ARHGAP6: variants seen among roughly 807,000 people sequenced by gnomAD.
ARHGAP6 encodes Rho GTPase activating protein 6.
ARHGAP6 carries 16 observed loss-of-function variants against 55.7 expected under a neutral mutation model. The observed-to-expected ratio is 0.29, with a 90% CI of 0.19 to 0.44. The LOEUF is 0.44. Among genes scored for constraint, ARHGAP6 ranks in the 20% least tolerant of loss-of-function variants. The pLI is 1.00. For missense variants in ARHGAP6, 698 were observed against 808.9 expected, an observed-to-expected ratio of 0.86 and a Z score of 1.66; for synonymous variants, 382 against 360.9, an observed-to-expected ratio of 1.06 and a Z score of -0.66.
At chrX:11,436,938 AATGTTCTGAAATTTATGTTAAT>A (rs750201604) in intron 1 of ARHGAP6, among the ~76,000 whole-genome samples, 1 of 110,790 alleles carries the variant, frequency 9.0e-6, no homozygotes, top group South Asian at 3.9e-4. Context: ...GGGTGATGAA[AATGTTCTGAAATTTATGTTAAT>A]AGTGGTTACC....
intron 2 of ARHGAP6, among the ~76,000 whole-genome samples, chrX:11,214,747 G>A (rs193035585): frequency 2.6e-5 from 3 of 113,371 alleles, no homozygotes; most frequent in African/African-American, 9.6e-5. Flanking sequence ...ACCAATCAGC[G>A]AGGAGTGCGG....
At chrX:11,564,046 T>A (rs1251646617) in intron 1 of ARHGAP6, among the ~76,000 whole-genome samples, 1 of 111,347 alleles carries the variant, frequency 9.0e-6, no homozygotes, top group Non-Finnish European at 1.9e-5. Flanking sequence ...AACAAAAAAA[T>A]TCACATAAGG....
intron 1 of ARHGAP6, chrX:11,298,984 T>A: frequency 8.3e-7 from 1 of 1,206,951 alleles, no homozygotes; most frequent in Middle Eastern, 2.3e-4. Flanking sequence ...GTGAGTATAT[T>A]TTGAAGCCAC....
intron 1 of ARHGAP6, among the ~76,000 whole-genome samples, chrX:11,399,765 CA>C: frequency 8.9e-6 from 1 of 111,891 alleles, no homozygotes; most frequent in South Asian, 3.7e-4. Context: ...CATGTACACA[CA>C]AAAACTTGCA....
At chrX:11,319,613 C>A (rs929880408) in intron 1 of ARHGAP6, among the ~76,000 whole-genome samples, 1 of 112,436 alleles carries the variant, frequency 8.9e-6, no homozygotes, top group Non-Finnish European at 1.9e-5. Context: ...TGTCAATATA[C>A]ATCACAGTGT....
chrX:11,430,534 TAGA>T (rs1296200114), intron 1 of ARHGAP6, among the ~76,000 whole-genome samples: 1 of 112,183 alleles, frequency 8.9e-6, no homozygotes. Flanking sequence ...AGAAAGGATC[TAGA>T]AGATCATGCA....
chrX:11,245,256 A>G (rs768482022), intron 2 of ARHGAP6, among the ~76,000 whole-genome samples: 1 of 111,950 alleles, frequency 8.9e-6, no homozygotes, highest in South Asian at 3.8e-4. Flanking sequence ...CTTTTGACAT[A>G]GTGTTGAATC....
intron 1 of ARHGAP6, among the ~76,000 whole-genome samples, chrX:11,473,177 A>C (rs1468774463): frequency 9.0e-6 from 1 of 111,525 alleles, no homozygotes; most frequent in Admixed American, 9.5e-5. Context: ...AATTCCAGAG[A>C]AGAGCCTAGG....
At chrX:11,449,549 C>T in intron 1 of ARHGAP6, among the ~76,000 whole-genome samples, 1 of 112,414 alleles carries the variant, frequency 8.9e-6, no homozygotes, top group East Asian at 2.8e-4. Flanking sequence ...CCAATGCACC[C>T]CTACCTCTTT....
intron 1 of ARHGAP6, among the ~76,000 whole-genome samples, chrX:11,649,323 G>C (rs1157145163): frequency 8.9e-6 from 1 of 111,913 alleles, no homozygotes; most frequent in African/African-American, 3.2e-5. Flanking sequence ...GCCATGCAGA[G>C]CCAAAGAACT....
chrX:11,517,807 TG>T (rs1385591971), intron 1 of ARHGAP6, among the ~76,000 whole-genome samples: 1 of 109,168 alleles, frequency 9.2e-6, no homozygotes, highest in African/African-American at 3.3e-5. Context: ...CAACACACAC[TG>T]GGGCCTGTCA....
At chrX:11,266,029 GTGCC>G (rs2047618229) in intron 1 of ARHGAP6, 1 of 655,357 alleles carries the variant, frequency 1.5e-6, no homozygotes, top group Non-Finnish European at 2.0e-6. Flanking sequence ...GTATGCGTGT[GTGCC>G]TGTGTGTGTG....
chrX:11,171,208 G>C (rs1177528556), intron 8 of ARHGAP6, among the ~76,000 whole-genome samples: 1 of 110,269 alleles, frequency 9.1e-6, no homozygotes, highest in African/African-American at 3.3e-5. Flanking sequence ...GAAAGCACAG[G>C]TAAGCCAAAA....
intron 1 of ARHGAP6, among the ~76,000 whole-genome samples, chrX:11,411,723 C>T (rs751340523): frequency 1.8e-5 from 2 of 111,630 alleles, no homozygotes; most frequent in Non-Finnish European, 3.8e-5. Flanking sequence ...CCATTACTAA[C>T]GTATTTCAAG....
chrX:11,286,992 G>A (rs985438129), intron 1 of ARHGAP6, among the ~76,000 whole-genome samples: 28 of 112,008 alleles, frequency 2.5e-4, no homozygotes, highest in Admixed American at 2.2e-3. Flanking sequence ...TATGGTGATG[G>A]TGGCAAACTT....
At chrX:11,150,707 T>A (rs769333638) in intron 10 of ARHGAP6, among the ~76,000 whole-genome samples, 1 of 111,719 alleles carries the variant, frequency 9.0e-6, no homozygotes, top group Admixed American at 9.5e-5. Flanking sequence ...GAAGATCGCT[T>A]GAGCCCAGGC....
intron 1 of ARHGAP6, among the ~76,000 whole-genome samples, chrX:11,508,485 C>A (rs963686771): frequency 9.0e-6 from 1 of 111,439 alleles, no homozygotes; most frequent in African/African-American, 3.3e-5. Context: ...GCAGGCTTGC[C>A]CTGACCCCGA....
chrX:11,252,771 T>C (rs2047440836), intron 2 of ARHGAP6, among the ~76,000 whole-genome samples: 1 of 112,204 alleles, frequency 8.9e-6, no homozygotes, highest in Non-Finnish European at 1.9e-5. Context: ...TTCTGAACTC[T>C]GTCATAACCT....
At chrX:11,593,263 T>C (rs898730146) in intron 1 of ARHGAP6, among the ~76,000 whole-genome samples, 1 of 111,801 alleles carries the variant, frequency 8.9e-6, no homozygotes, top group African/African-American at 3.3e-5. Flanking sequence ...GAAGGAGAAA[T>C]ACGACCTTTG....
Sources: gnomAD v4.1 joint callset for allele counts (sites outside exome capture counted in the v4.1 genomes callset) on GRCh38, gnomAD v4.1.1 for gene constraint, MANE v1.5 for transcripts, NCBI Gene and HGNC (gene_info 2026-07-23, HGNC 2026-07-21) for gene names.